DCLK1: variants seen among roughly 807,000 people sequenced by gnomAD.
The protein encoded by DCLK1 is serine/threonine-protein kinase DCLK1.
Under a neutral mutation model 86.2 loss-of-function variants are expected in DCLK1, and 16 were observed. That is an observed-to-expected ratio of 0.19 (90% CI 0.13 to 0.28). DCLK1 has a LOEUF of 0.28. Ranked by LOEUF, DCLK1 falls within the 10% of genes least tolerant of loss-of-function variation. The pLI is 1.00. For missense variants in DCLK1, 590 were observed against 940.2 expected (o/e 0.63, Z 4.87); for synonymous variants, 369 against 370.5 (o/e 1.00, Z 0.05).
At chr13:36,047,936 C>T (rs578091980) in intron 3 of DCLK1, among the ~76,000 whole-genome samples, 2 of 152,102 alleles carry the variant, frequency 1.3e-5, no homozygotes, top group Non-Finnish European at 2.9e-5. Flanking sequence ...CCAGCGTGGG[C>T]GACAGAGTGA....
intron 4 of DCLK1, among the ~76,000 whole-genome samples, chr13:35,885,723 T>G (rs545508968): frequency 3.4e-4 from 52 of 152,274 alleles, no homozygotes; most frequent in African/African-American, 1.1e-3. Flanking sequence ...ACCTTCAAAT[T>G]CATATTTTTA....
At chr13:35,815,936 G>T (rs9545445) in intron 11 of DCLK1, among the ~76,000 whole-genome samples, 16,603 of 152,108 alleles carry the variant, frequency 0.11, 1,044 homozygotes, top group East Asian at 0.18. Context: ...GTAATTAAAC[G>T]AAAAAGTAAA....
intron 3 of DCLK1, among the ~76,000 whole-genome samples, chr13:36,086,384 A>G (rs1884600332): frequency 6.6e-6 from 1 of 151,994 alleles, no homozygotes; most frequent in Non-Finnish European, 1.5e-5. Context: ...ATCAGTCCCA[A>G]GAGAAGTCAG....
chr13:35,950,849 C>T (rs142449142), intron 3 of DCLK1, among the ~76,000 whole-genome samples: 7 of 152,196 alleles, frequency 4.6e-5, no homozygotes, highest in East Asian at 1.9e-4. Context: ...GGTTTCACTA[C>T]GGTCAGAGAT....
chr13:35,853,432 A>G (rs1428133530), intron 6 of DCLK1, among the ~76,000 whole-genome samples: 1 of 152,146 alleles, frequency 6.6e-6, no homozygotes, highest in Non-Finnish European at 1.5e-5. Context: ...AAGATAACCA[A>G]ACTTGATATT....
intron 6 of DCLK1, among the ~76,000 whole-genome samples, chr13:35,843,903 G>A (rs2153108679): frequency 6.6e-6 from 1 of 152,254 alleles, no homozygotes; most frequent in South Asian, 2.1e-4. Context: ...CTTGACTTTA[G>A]ATCCACAGAA....
intron 4 of DCLK1, among the ~76,000 whole-genome samples, chr13:35,885,803 T>C (rs1873192893): frequency 6.6e-6 from 1 of 152,172 alleles, no homozygotes; most frequent in African/African-American, 2.4e-5. Flanking sequence ...GCAAAAGTAA[T>C]GATAAAATAA....
Position 36,125,806 on chromosome 13 carries a change from A to T in DCLK1, c.332T>A (p.Ile111Asn). The T allele has an allele frequency of 6.2e-7, 1 of 1,614,190 alleles. No individual in the cohort carries two copies. The highest frequency in any genetic ancestry group is 1.1e-5 in the South Asian group (1 of 91,088). ...GCTGGAAATCTTCTTGAGCCCATCAATGGTGTAGATTGTTCTCACTCCCTG... is the reference window on the plus strand; with the variant it reads ...GCTGGAAATCTTCTTGAGCCCATCATTGGTGTAGATTGTTCTCACTCCCTG... ...LPQGVRTIYT[I>N]DGLKKISSLD... Residue 111 changes from isoleucine (I) to asparagine (N), a missense_variant, in exon 2 of 17, where the codon ATT (isoleucine) becomes AAT (asparagine). Ile to Asn is a moderately radical substitution (Grantham distance 149). This residue lies in a region of DCLK1 where 195 missense variants were observed against 365.1 expected (regional missense o/e 0.53). Coordinates refer to ENST00000360631, the MANE Select transcript of DCLK1 (RefSeq NM_001330071.2).
At chr13:35,852,095 T>G (rs1287687551) in intron 6 of DCLK1, among the ~76,000 whole-genome samples, 1 of 152,140 alleles carries the variant, frequency 6.6e-6, no homozygotes, top group East Asian at 1.9e-4. Context: ...AAAATAGAAG[T>G]AGCTACTGTT....
chr13:35,900,157 A>G (rs1000357286), intron 4 of DCLK1, among the ~76,000 whole-genome samples: 2 of 152,158 alleles, frequency 1.3e-5, no homozygotes, highest in African/African-American at 4.8e-5. Flanking sequence ...GTAATACAAC[A>G]TATGGCCAAA....
chr13:36,086,805 C>T (rs1884624466), intron 3 of DCLK1, among the ~76,000 whole-genome samples: 1 of 152,102 alleles, frequency 6.6e-6, no homozygotes, highest in Non-Finnish European at 1.5e-5. Flanking sequence ...TGAACTCACT[C>T]TTTTTTATGG....
intron 3 of DCLK1, among the ~76,000 whole-genome samples, chr13:36,051,406 C>T (rs1293006349): frequency 6.6e-6 from 1 of 152,134 alleles, no homozygotes; most frequent in Non-Finnish European, 1.5e-5. Flanking sequence ...CATATTCACA[C>T]TTTCAGATGC....
intron 3 of DCLK1, among the ~76,000 whole-genome samples, chr13:36,047,817 G>A (rs1882973559): frequency 6.6e-6 from 1 of 152,150 alleles, no homozygotes. Context: ...AGGGCTGGGT[G>A]TGGTGGCTCA....
intron 3 of DCLK1, among the ~76,000 whole-genome samples, chr13:35,975,691 T>C (rs1033678522): frequency 6.6e-6 from 1 of 152,146 alleles, no homozygotes; most frequent in Non-Finnish European, 1.5e-5. Flanking sequence ...TGGGGCATCA[T>C]ACAGATCTGC....
chr13:35,777,720 C>A (rs1031495921), intron 16 of DCLK1, among the ~76,000 whole-genome samples: 4 of 152,126 alleles, frequency 2.6e-5, no homozygotes, highest in Non-Finnish European at 5.9e-5. Flanking sequence ...AGTTTTCCAC[C>A]CCTCAGGTCC....
rs571189753 is a variant in DCLK1, at chr13:35,905,773, C to T, written c.824-34433G>A. Among the ~76,000 whole-genome samples, 3 of 152,122 alleles carry T rather than the reference C, an allele frequency of 2.0e-5. No individual in the cohort carries two copies. In the South Asian group the frequency reaches 6.2e-4, roughly 32 times the overall value. On this transcript the variant is annotated intron_variant, in intron 4 of 16. Coordinates refer to ENST00000360631, the MANE Select transcript of DCLK1 (RefSeq NM_001330071.2). ...CCAGTCTGGCCAACATGGTGAAACC[C>T]TGCCTCTACTAAAAATCCAAAAAAA...
intron 3 of DCLK1, among the ~76,000 whole-genome samples, chr13:36,012,988 T>C (rs1476197410): frequency 0.012 from 927 of 78,366 alleles, 18 homozygotes; most frequent in African/African-American, 0.043. Flanking sequence ...TCATCTTCCA[T>C]TGCTGATACC....
At position 35,917,739 on chromosome 13, in the gene DCLK1, C is replaced by T. The variant is rs535312276; in HGVS notation, c.823+29619G>A. Reference sequence around the variant, plus strand: ...TACCATGCCTCAAGTACCATGGTAACGTGGCATTTTCAAAATCATTAGTTA... The same window carrying T: ...TACCATGCCTCAAGTACCATGGTAATGTGGCATTTTCAAAATCATTAGTTA... On this transcript the variant is annotated intron_variant, in intron 4 of 16. Transcript: ENST00000360631. 2.9e-4 allele frequency among the ~76,000 whole-genome samples: 44 copies of T among 151,182 alleles called. 1 individual carries two copies. In the South Asian group the frequency reaches 8.3e-3, roughly 29 times the overall value.
chr13:36,058,166 G>T (rs1437061355), intron 3 of DCLK1, among the ~76,000 whole-genome samples: 1 of 152,128 alleles, frequency 6.6e-6, no homozygotes, highest in Non-Finnish European at 1.5e-5. Context: ...AAAAAGAGTG[G>T]AATTTTGACA....
Sources: gnomAD v4.1 joint callset for allele counts (sites outside exome capture counted in the v4.1 genomes callset) on GRCh38, gnomAD v4.1.1 for gene constraint, gnomAD v4.1.1 regional missense constraint, MANE v1.5 for transcripts, NCBI Gene and HGNC (gene_info 2026-07-23, HGNC 2026-07-21) for gene names.